The following UBR4 variants were observed in gnomAD, a reference collection of about 807,000 sequenced individuals.
UBR4 encodes E3 ubiquitin-protein ligase UBR4.
A neutral mutation model predicts 575.6 loss-of-function variants in UBR4; 124 were observed. The observed-to-expected ratio is 0.22, with a 90% confidence interval of 0.19 to 0.25. The LOEUF is 0.25. Among genes scored for constraint, UBR4 ranks in the 10% least tolerant of loss-of-function variants. The probability of loss-of-function intolerance (pLI) is 1.00; values close to 1 mark genes in which losing one functional copy is unlikely to be tolerated. For synonymous variants in UBR4, 2,455 were observed against 2,473.7 expected, an observed-to-expected ratio of 0.99 and a Z score of 0.22; for missense variants, 4,818 against 6,478.8, an observed-to-expected ratio of 0.74 and a Z score of 8.80.
chr1:19,102,059 G>C (rs914203827), intron 87 of UBR4, among the ~76,000 whole-genome samples: 75 of 152,232 alleles, frequency 4.9e-4, no homozygotes, highest in African/African-American at 1.8e-3. Flanking sequence ...AGATTAGGTA[G>C]ACTGTCCTCT....
intron 101 of UBR4, 52 bp from the exon 102 acceptor site, chr1:19,084,750 C>G: frequency 6.5e-7 from 1 of 1,545,520 alleles, no homozygotes; most frequent in African/African-American, 1.4e-5. Context: ...CTGGTGAAAA[C>G]CCAGTTTGGG....
chr1:19,087,592 G>A (rs190729034), intron 99 of UBR4, among the ~76,000 whole-genome samples: 108 of 152,364 alleles, frequency 7.1e-4, no homozygotes, highest in African/African-American at 2.4e-3. Context: ...AGAATCCAAT[G>A]AGCAGCATTT....
intron 39 of UBR4, among the ~76,000 whole-genome samples, chr1:19,159,007 T>C (rs1246759306): frequency 6.6e-6 from 1 of 151,954 alleles, no homozygotes; most frequent in African/African-American, 2.4e-5. Context: ...CCAGGCATGA[T>C]GGTGCATGCC....
Position 19,093,276 on chromosome 1 carries a change from G to A in UBR4, c.14111+37C>T, listed in dbSNP as rs1472065990. On this transcript the variant is annotated intron_variant, in intron 96 of 105. Coordinates refer to ENST00000375254, the MANE Select transcript of UBR4 (RefSeq NM_020765.3). The surrounding 1 kb of genome is among the most constrained non-coding windows in gnomAD (Gnocchi z 4.8). The stretch of plus-strand genomic sequence containing the variant: ...GAGAAGGAAAAGGAAAGGGCAAAGC[G>A]AAGGCAAAGCAGCCCCGCTGCGGGA... 29 of 1,603,286 alleles carry A rather than the reference G, an allele frequency of 1.8e-5. No individual in the cohort carries two copies. Among genetic ancestry groups the A allele is most frequent in the South Asian group, 1.3e-4 (12 of 89,982 alleles).
rs200832235 is a variant in UBR4, at chr1:19,198,835, C to T, written c.472G>A (p.Ala158Thr). ...GTCTTCACTGTTTGGGGCAGCTTGG[C>T]GGATTTCATCATTGCTGTAAATGTG... ...IITFTAMMKS[A>T]KLPQTVKTLS... is the part of the protein sequence containing the mutation. Residue 158 changes from alanine (A) to threonine (T), a missense_variant, in exon 4 of 106, where the codon GCC becomes ACC. Ala to Thr is a moderately conservative substitution (Grantham distance 58). Coordinates refer to ENST00000375254, the MANE Select transcript of UBR4 (RefSeq NM_020765.3). 1.8e-5 allele frequency: 29 copies of T among 1,614,154 alleles called. No homozygotes were observed. The highest frequency in any genetic ancestry group is 3.3e-4 in the Middle Eastern group (2 of 6,062).
intron 43 of UBR4, 119 bp from the exon 44 acceptor site, chr1:19,155,194 T>G: frequency 7.4e-7 from 1 of 1,352,734 alleles, no homozygotes; most frequent in Non-Finnish European, 1.0e-6. Flanking sequence ...AAGCATGAGA[T>G]CCCTGTGGGT....
In UBR4 at chr1:19,139,058, C is replaced by T; in HGVS notation, c.8731+25G>A. ...TGTCCCCACCCTCTGCCCAAGGAGA[C>T]AGGACCCCCGCCATGGCACATTACC... On this transcript the variant is annotated intron_variant, in intron 59 of 105. Transcript: ENST00000375254. The surrounding 1 kb of genome is among the most constrained non-coding windows in gnomAD (Gnocchi z 4.2). 1 of 1,592,764 alleles carries T rather than the reference C, an allele frequency of 6.3e-7. No individual in the cohort carries two copies.
intron 99 of UBR4, among the ~76,000 whole-genome samples, chr1:19,087,057 G>A (rs2077082371): frequency 6.6e-6 from 1 of 152,270 alleles, no homozygotes; most frequent in South Asian, 2.1e-4. Context: ...AGAAGGGGAT[G>A]CGGTGCAGAT....
intron 39 of UBR4, among the ~76,000 whole-genome samples, chr1:19,158,437 A>C (rs2086752413): frequency 6.6e-6 from 1 of 152,094 alleles, no homozygotes; most frequent in Admixed American, 6.6e-5. Flanking sequence ...AGAGTATCAA[A>C]TAAAACCGTG....
chr1:19,189,272 CA>C (rs2091847586), intron 11 of UBR4, among the ~76,000 whole-genome samples: 1 of 152,142 alleles, frequency 6.6e-6, no homozygotes, highest in Admixed American at 6.5e-5. Context: ...AGTAGTTTGA[CA>C]AAACATTTCC....
chr1:19,104,203 C>T lies in UBR4; in HGVS notation c.12782G>A (p.Arg4261His), dbSNP rs770066752. Residue 4261 changes from arginine (R) to histidine (H), a missense_variant, in exon 87 of 106, where the codon CGC becomes CAC. Arg to His is a conservative substitution (Grantham distance 29, BLOSUM62 0). Coordinates refer to ENST00000375254, the MANE Select transcript of UBR4 (RefSeq NM_020765.3). ...VESIKRHFKS[R>H]LVGTVLNGYL... ...TCCATTCAGCACAGTACCCACCAAG[C>T]GACTTTTAAAATGTCTTTTGATGGA... 6.2e-6 allele frequency: 10 copies of T among 1,614,210 alleles called. No individual in the cohort carries two copies. The highest frequency in any genetic ancestry group is 7.6e-6 in the Non-Finnish European group (9 of 1,180,052).
chr1:19,174,455 C>CAAGA lies in UBR4; in HGVS notation c.2854-12_2854-9dup, dbSNP rs773623575. The CAAGA allele has an allele frequency of 6.2e-7, 1 of 1,606,430 alleles. No individual in the cohort carries two copies. The highest frequency in any genetic ancestry group is 8.5e-7 in the Non-Finnish European group (1 of 1,179,694). ...GAAAAGGACGTCACATGCCTGACAT[C>CAAGA]AAGAAAGAAAGAGAGTCATTTCCTT... is the stretch of plus-strand genomic sequence containing the variant. On this transcript the variant is annotated splice_polypyrimidine_tract_variant and intron_variant, in intron 21 of 105. Coordinates refer to ENST00000375254, the MANE Select transcript of UBR4 (RefSeq NM_020765.3).
In UBR4 at chr1:19,173,436, T is replaced by C; in HGVS notation, c.3165+3A>G. The C allele has an allele frequency of 6.2e-7, 1 of 1,614,160 alleles. No individual in the cohort carries two copies. On this transcript the variant is annotated splice_donor_region_variant and intron_variant, in intron 23 of 105. Transcript: ENST00000375254. ...ATAGTCTTAGCAGCAAGCTCTGTGTTACCTTTATCCAGTTGACATAGGAGC... is the reference window on the plus strand; with the variant it reads ...ATAGTCTTAGCAGCAAGCTCTGTGTCACCTTTATCCAGTTGACATAGGAGC...
chr1:19,140,744 G>C (rs1571002360), intron 58 of UBR4, 44 bp downstream of exon 58: 1 of 1,577,890 alleles, frequency 6.3e-7, no homozygotes, highest in East Asian at 2.3e-5. Context: ...CAAGGCCTGA[G>C]GGTCCTGGGG....
Position 19,148,091 on chromosome 1 carries a change from A to G in UBR4, c.7531T>C (p.Leu2511=), listed in dbSNP as rs906949800. 1.1e-5 allele frequency: 17 copies of G among 1,610,520 alleles called. No individual in the cohort carries two copies. Among genetic ancestry groups the G allele is most frequent in the Non-Finnish European group, 1.4e-5 (17 of 1,179,888 alleles). Residue 2511 remains leucine, a synonymous_variant, in exon 51 of 106, where the codon TTG becomes CTG. Coordinates refer to ENST00000375254, the MANE Select transcript of UBR4 (RefSeq NM_020765.3). ...GCAGGTGCTGGCAGGGACAACAGCA[A>G]AGTGGCCAGCTCCTGAGCAGCATTC... is the stretch of plus-strand genomic sequence containing the variant. ...NKNAAQELAT[L]LLSLPAPASV...
intron 10 of UBR4, 38 bp downstream of exon 10, chr1:19,192,443 G>A: frequency 6.2e-7 from 1 of 1,614,174 alleles, no homozygotes; most frequent in Non-Finnish European, 8.5e-7. Flanking sequence ...GAGAGGACAA[G>A]ATAGGAAGTA....
chr1:19,198,429 G>T, intron 5 of UBR4, 112 bp downstream of exon 5: 1 of 1,390,810 alleles, frequency 7.2e-7, no homozygotes. Context: ...TTGTCCCACA[G>T]ACATGTATAT....
chr1:19,139,352 T>A lies in UBR4; in HGVS notation c.8594-132A>T. 1 of 1,196,604 alleles carries A rather than the reference T, an allele frequency of 8.4e-7. No individual in the cohort carries two copies. The highest frequency in any genetic ancestry group is 1.1e-6 in the Non-Finnish European group (1 of 925,848). 74.1% of individuals were successfully genotyped at this position (1,196,604 alleles called of 1,614,324 possible). On this transcript the variant is annotated intron_variant, in intron 58 of 105. Coordinates refer to ENST00000375254, the MANE Select transcript of UBR4 (RefSeq NM_020765.3). The surrounding 1 kb of genome is among the most constrained non-coding windows in gnomAD (Gnocchi z 4.2). ...TGCATAGGACACAATGCAGTTTATA[T>A]ATCCTGTCGTCAAAGAAAAAAGGGA...
intron 60 of UBR4, among the ~76,000 whole-genome samples, 174 bp from the exon 61 acceptor site, chr1:19,129,248 T>C (rs2082158806): frequency 6.6e-6 from 1 of 151,686 alleles, no homozygotes; most frequent in Admixed American, 6.6e-5. Context: ...GGTATGCCAG[T>C]CAGCAACACA....
Sources: gnomAD v4.1 joint callset for allele counts (sites outside exome capture counted in the v4.1 genomes callset) on GRCh38, gnomAD v4.1.1 for gene constraint, Gnocchi (gnomAD v3.1) non-coding constraint, MANE v1.5 for transcripts, NCBI Gene and HGNC (gene_info 2026-07-23, HGNC 2026-07-21) for gene names.